The following TENM4 variants were observed in gnomAD, a reference collection of about 807,000 sequenced individuals.
TENM4 encodes the protein teneurin transmembrane protein 4.
TENM4 carries 82 observed loss-of-function variants against 243.3 expected under a neutral mutation model. That is an observed-to-expected ratio of 0.34 (90% CI 0.28 to 0.40). The LOEUF is 0.40. TENM4 is among the 10% of genes least tolerant of loss of function. The pLI, the probability that TENM4 is intolerant of heterozygous loss-of-function variation, is 1.00. For synonymous variants in TENM4, 1,412 were observed against 1,456.3 expected, an observed-to-expected ratio of 0.97 and a Z score of 0.69; for missense variants, 3,138 against 3,673.3, an observed-to-expected ratio of 0.85 and a Z score of 3.77.
intron 3 of TENM4, among the ~76,000 whole-genome samples, chr11:79,167,790 G>T (rs1379320292): frequency 6.6e-6 from 1 of 152,114 alleles, no homozygotes; most frequent in Non-Finnish European, 1.5e-5. Flanking sequence ...ACACCCCCAG[G>T]TCTATCTGAC....
chr11:79,216,523 A>G (rs1413589578), intron 2 of TENM4, among the ~76,000 whole-genome samples: 3 of 152,170 alleles, frequency 2.0e-5, no homozygotes, highest in Non-Finnish European at 4.4e-5. Context: ...AAATTCCTCA[A>G]TGTGGTAGTG....
rs115570719 is a variant in TENM4 at position 79,416,184 on chromosome 11, T to C, written c.-321+24325A>G. ...ACTTACAATTTTTGGCTATTACAAA[T>C]AGAGGTGCCTCAAACATTCTTGTAC... On this transcript the variant is annotated intron_variant, in intron 1 of 33. Transcript: ENST00000278550. Among the ~76,000 whole-genome samples the C allele has an allele frequency of 1.5e-3, 231 of 152,324 alleles. 2 individuals carry two copies. Among genetic ancestry groups the C allele is most frequent in the African/African-American group, 5.2e-3 (215 of 41,578 alleles).
chr11:79,046,140 G>A (rs1461762674), intron 6 of TENM4, among the ~76,000 whole-genome samples: 3 of 152,296 alleles, frequency 2.0e-5, no homozygotes, highest in Admixed American at 6.5e-5. Context: ...TCATGCCTCC[G>A]GTGAAGGGGC....
intron 7 of TENM4, among the ~76,000 whole-genome samples, chr11:78,901,109 C>CT (rs954595943): frequency 4.1e-4 from 62 of 152,144 alleles, no homozygotes; most frequent in African/African-American, 1.4e-3. Flanking sequence ...ATGAAAGGGC[C>CT]TCGCATTGGG....
At chr11:79,046,373 G>A (rs1259806166) in intron 6 of TENM4, among the ~76,000 whole-genome samples, 1 of 152,136 alleles carries the variant, frequency 6.6e-6, no homozygotes, top group Admixed American at 6.5e-5. Context: ...CTGAGGGGTG[G>A]GGAGTTAAAA....
intron 1 of TENM4, among the ~76,000 whole-genome samples, chr11:79,433,254 C>T (rs867027946): frequency 2.9e-4 from 44 of 152,224 alleles, no homozygotes; most frequent in Middle Eastern, 6.8e-3. Flanking sequence ...TGGGAGCTGG[C>T]GAAAAATGCA....
At chr11:79,343,645 T>C (rs369260706) in intron 1 of TENM4, among the ~76,000 whole-genome samples, 1 of 150,882 alleles carries the variant, frequency 6.6e-6, no homozygotes, top group Non-Finnish European at 1.5e-5. Flanking sequence ...AAATACAGTG[T>C]AGCTAAGTTT....
At chr11:79,274,301 G>A (rs1856017052) in intron 2 of TENM4, among the ~76,000 whole-genome samples, 1 of 152,238 alleles carries the variant, frequency 6.6e-6, no homozygotes, top group South Asian at 2.1e-4. Context: ...TTTGCAGAAT[G>A]CATCCCGTTT....
At chr11:79,402,806 A>T (rs192768533) in intron 1 of TENM4, among the ~76,000 whole-genome samples, 4 of 152,344 alleles carry the variant, frequency 2.6e-5, no homozygotes, top group Admixed American at 2.6e-4. Flanking sequence ...GTATGCAAAC[A>T]TGAAGTTGTC....
At position 79,358,773 on chromosome 11, in the gene TENM4, A is replaced by C. The variant is rs188866906; in HGVS notation, c.-320-61230T>G. Among the ~76,000 whole-genome samples the C allele has an allele frequency of 1.9e-4, 28 of 148,650 alleles. No individual in the cohort carries two copies. The East Asian group carries it at 5.5e-3, about 29-fold the overall frequency. ...TTCCTTTTTTCCTTCCTGACCTCTA[A>C]CTTCCTAACTTCTTAGCTTCCTCTC... On this transcript the variant is annotated intron_variant, in intron 1 of 33. Transcript: ENST00000278550.
chr11:78,660,442 CAAGA>C lies in TENM4; in HGVS notation c.7551+1003_7551+1006del, dbSNP rs759451810. Reference sequence around the variant, plus strand: ...TGGGGCTCATAATCTAGTAGCGAGACAAGAAAGAGGCATTAAAGTACAGTGTGGG... The same window carrying C: ...TGGGGCTCATAATCTAGTAGCGAGACAAGAGGCATTAAAGTACAGTGTGGG... On this transcript the variant is annotated intron_variant, in intron 33 of 33. Transcript: ENST00000278550. 8.1e-4 allele frequency among the ~76,000 whole-genome samples: 124 copies of C among 152,168 alleles called. 1 individual carries two copies. The highest frequency in any genetic ancestry group is 2.7e-3 in the Admixed American group (42 of 15,280).
chr11:79,304,851 C>G (rs1322188908), intron 1 of TENM4, among the ~76,000 whole-genome samples: 1 of 152,280 alleles, frequency 6.6e-6, no homozygotes. Flanking sequence ...AGAGTGAGAT[C>G]GTTTTCTGTG....
intron 6 of TENM4, among the ~76,000 whole-genome samples, chr11:78,997,923 TTCTC>T (rs1268516250): frequency 6.6e-6 from 1 of 152,042 alleles, no homozygotes; most frequent in Non-Finnish European, 1.5e-5. Flanking sequence ...AAGAGAAGTC[TTCTC>T]TCTCTCTTCT....
intron 6 of TENM4, among the ~76,000 whole-genome samples, chr11:78,996,028 G>A (rs562706498): frequency 7.2e-5 from 11 of 152,114 alleles, no homozygotes; most frequent in Non-Finnish European, 1.2e-4. Context: ...GCTGATTTAC[G>A]TGGAGAGAAG....
chr11:78,702,320 T>C lies in TENM4; in HGVS notation c.4293A>G (p.Gln1431=). 6.2e-7 allele frequency: 1 copy of C among 1,614,008 alleles called. No homozygotes were observed. The highest frequency in any genetic ancestry group is 8.5e-7 in the Non-Finnish European group (1 of 1,179,886). ...TGCGCACCTGGTGGTTTTCAGAGATTTGCAGGACCACATTGTTGTCGAGGA... is the reference window on the plus strand; with the variant it reads ...TGCGCACCTGGTGGTTTTCAGAGATCTGCAGGACCACATTGTTGTCGAGGA... ...LYVLDNNVVL[Q]ISENHQVRIV... The change falls in exon 28 of 34, where the codon CAA becomes CAG. Residue 1431 remains glutamine (Q), a synonymous_variant. Transcript: ENST00000278550.
intron 1 of TENM4, among the ~76,000 whole-genome samples, chr11:79,384,358 G>C (rs1046794548): frequency 6.6e-6 from 1 of 152,118 alleles, no homozygotes; most frequent in African/African-American, 2.4e-5. Flanking sequence ...GTCCAGCCTC[G>C]CACTTGATCT....
chr11:79,342,693 A>G (rs1857261429), intron 1 of TENM4, among the ~76,000 whole-genome samples: 1 of 152,168 alleles, frequency 6.6e-6, no homozygotes, highest in Non-Finnish European at 1.5e-5. Flanking sequence ...AGTGGGACCC[A>G]GGCATGAGTA....
At chr11:78,699,279 C>T (rs675915) in intron 28 of TENM4, among the ~76,000 whole-genome samples, 2 of 152,252 alleles carry the variant, frequency 1.3e-5, no homozygotes, top group Admixed American at 6.5e-5. Context: ...TCATCCCTAT[C>T]GTACAGATAA....
chr11:79,138,619 T>A (rs1338588577), intron 4 of TENM4, among the ~76,000 whole-genome samples: 20 of 99,698 alleles, frequency 2.0e-4, no homozygotes, highest in African/African-American at 8.6e-4. Flanking sequence ...TATAAATACA[T>A]AAAACATATA....
Sources: gnomAD v4.1 joint callset for allele counts (sites outside exome capture counted in the v4.1 genomes callset) on GRCh38, gnomAD v4.1.1 for gene constraint, MANE v1.5 for transcripts, NCBI Gene and HGNC (gene_info 2026-07-23, HGNC 2026-07-21) for gene names.